Variants in PHF24 observed in about 807,000 individuals in gnomAD.
The protein encoded by PHF24 is Galpha inhibitory interacting protein.
PHF24 carries 25 observed loss-of-function variants against 42.6 expected under a neutral mutation model. That is an observed-to-expected ratio of 0.59 (90% CI 0.43 to 0.82). The LOEUF is 0.82. Ranked by LOEUF, PHF24 falls within the 40% of genes least tolerant of loss-of-function variation. The pLI is 0.00. For synonymous variants in PHF24, 185 were observed against 204.8 expected, an observed-to-expected ratio of 0.90 and a Z score of 0.83; for missense variants, 470 against 538.1, an observed-to-expected ratio of 0.87 and a Z score of 1.25.
the PHF24 span, among the ~76,000 whole-genome samples, chr9:34,706,930 C>A: frequency 6.6e-6 from 1 of 150,964 alleles, no homozygotes; most frequent in Admixed American, 6.6e-5. Flanking sequence ...TTTGAGGTTA[C>A]AGTGAGCTAT....
the PHF24 span, among the ~76,000 whole-genome samples, chr9:34,753,519 T>A: frequency 6.6e-6 from 1 of 152,110 alleles, no homozygotes; most frequent in African/African-American, 2.4e-5. Context: ...ATATATTCCA[T>A]GCTCATGTAT....
At chr9:34,892,983 C>A in the PHF24 span, 1 of 729,534 alleles carries the variant, frequency 1.4e-6, no homozygotes, top group Non-Finnish European at 2.4e-6. Flanking sequence ...GTGGACAAAG[C>A]CTCTAGGCAA....
chr9:34,716,565 CTTTG>C, the PHF24 span, among the ~76,000 whole-genome samples: 1 of 148,326 alleles, frequency 6.7e-6, no homozygotes, highest in East Asian at 2.0e-4. Context: ...TTTTGTTTTG[CTTTG>C]TTTTGTTTTG....
At chr9:34,819,192 C>G in the PHF24 span, among the ~76,000 whole-genome samples, 1 of 151,906 alleles carries the variant, frequency 6.6e-6, no homozygotes, top group Non-Finnish European at 1.5e-5. Context: ...TTTACTGGAT[C>G]AATCTGACTA....
the PHF24 span, among the ~76,000 whole-genome samples, chr9:34,930,255 G>A: frequency 6.6e-6 from 1 of 152,128 alleles, no homozygotes; most frequent in African/African-American, 2.4e-5. Context: ...CTTGTGTCGG[G>A]GATAACCTGG....
At chr9:34,673,367 A>T in the PHF24 span, among the ~76,000 whole-genome samples, 1 of 147,710 alleles carries the variant, frequency 6.8e-6, no homozygotes, top group Non-Finnish European at 1.5e-5. Context: ...AAAAAAAAAA[A>T]GAGAGGAATT....
chr9:34,691,049 G>GC, the PHF24 span: 9 of 1,539,872 alleles, frequency 5.8e-6, no homozygotes, highest in Middle Eastern at 1.7e-4. Context: ...CCCACTGCCA[G>GC]CCCCCCACTG....
the PHF24 span, among the ~76,000 whole-genome samples, chr9:34,805,202 T>A: frequency 6.6e-6 from 1 of 152,254 alleles, no homozygotes; most frequent in African/African-American, 2.4e-5. Flanking sequence ...ACATACATTT[T>A]CATTTCTATT....
chr9:34,946,737 G>C, the PHF24 span, among the ~76,000 whole-genome samples: 1 of 152,240 alleles, frequency 6.6e-6, no homozygotes, highest in Non-Finnish European at 1.5e-5. Context: ...AGGCAGGAAG[G>C]ACAATTTGGA....
At chr9:34,892,198 G>A in the PHF24 span, among the ~76,000 whole-genome samples, 1 of 152,018 alleles carries the variant, frequency 6.6e-6, no homozygotes, top group Non-Finnish European at 1.5e-5. Flanking sequence ...AGAGAGGAGA[G>A]GGTAGAGCTA....
the PHF24 span, chr9:34,709,116 C>T: frequency 1.9e-6 from 1 of 540,312 alleles, no homozygotes; most frequent in South Asian, 2.6e-5. Context: ...TGATGATTCT[C>T]CTTCAAGGGG....
At chr9:34,932,479 G>T in the PHF24 span, among the ~76,000 whole-genome samples, 1 of 152,160 alleles carries the variant, frequency 6.6e-6, no homozygotes, top group African/African-American at 2.4e-5. Flanking sequence ...TTTTACCTAT[G>T]ATCTCACTAG....
Position 34,966,586 on chromosome 9 carries a change from C to CG in PHF24, c.-4-4709_-4-4708insG, listed in dbSNP as rs199813386. 7.6e-4 allele frequency among the ~76,000 whole-genome samples: 115 copies of CG among 152,020 alleles called. 1 individual carries two copies. Among genetic ancestry groups the CG allele is most frequent in the Admixed American group, 3.9e-3 (59 of 15,250 alleles). Reference sequence around the variant, plus strand: ...GCCTGGGTAATATGGCGAGACCCCCCCCCTCGCCCCATCTCAAAATAAATA... The same window carrying CG: ...GCCTGGGTAATATGGCGAGACCCCCCGCCCTCGCCCCATCTCAAAATAAATA... On this transcript the variant is annotated intron_variant, in intron 1 of 7. Transcript: ENST00000242315.
the PHF24 span, among the ~76,000 whole-genome samples, chr9:34,769,543 G>T: frequency 6.6e-6 from 1 of 152,134 alleles, no homozygotes; most frequent in African/African-American, 2.4e-5. Context: ...GATTTCTCTG[G>T]TTAGGGGGCC....
the PHF24 span, among the ~76,000 whole-genome samples, chr9:34,720,672 C>T: frequency 6.6e-6 from 1 of 152,114 alleles, no homozygotes; most frequent in Admixed American, 6.5e-5. Context: ...CCCATATAAC[C>T]TCCCTGGTCC....
chr9:34,754,733 A>G, the PHF24 span, among the ~76,000 whole-genome samples: 7 of 152,196 alleles, frequency 4.6e-5, no homozygotes, highest in Non-Finnish European at 1.0e-4. Flanking sequence ...AAGTCAGTAT[A>G]TCAAAGAGGT....
the PHF24 span, among the ~76,000 whole-genome samples, chr9:34,928,632 T>A: frequency 6.6e-6 from 1 of 152,190 alleles, no homozygotes; most frequent in Admixed American, 6.5e-5. Context: ...TCAGCCCTTA[T>A]AGAATTGTTC....
At chr9:34,968,373 C>T (rs889030660) in intron 1 of PHF24, among the ~76,000 whole-genome samples, 17 of 152,076 alleles carry the variant, frequency 1.1e-4, no homozygotes, top group African/African-American at 3.1e-4. Flanking sequence ...GCATGAATAC[C>T]CTAAATGATT....
chr9:34,894,348 A>C, the PHF24 span: 1 of 397,490 alleles, frequency 2.5e-6, no homozygotes. Flanking sequence ...CCTCCCATCC[A>C]TTTTCCCTCT....
Sources: allele counts gnomAD v4.1 joint callset (sites outside exome capture counted in the v4.1 genomes callset), GRCh38; gene constraint gnomAD v4.1.1; transcripts MANE v1.5; gene names NCBI Gene and HGNC (gene_info 2026-07-23, HGNC 2026-07-21).